Variants in IWS1 observed in about 807,000 individuals in gnomAD.
IWS1 encodes the protein protein IWS1 homolog.
In IWS1, 27 loss-of-function variants were observed where a neutral mutation model predicts 86.7. The ratio of observed to expected loss-of-function variants is 0.31; its 90% CI spans 0.23 to 0.43. The LOEUF is 0.43. Among genes scored for constraint, IWS1 ranks in the 20% least tolerant of loss-of-function variants. The pLI is 1.00. For synonymous variants in IWS1, 313 were observed against 335.1 expected, an observed-to-expected ratio of 0.93 and a Z score of 0.72; for missense variants, 827 against 1,000.8, an observed-to-expected ratio of 0.83 and a Z score of 2.34.
chr2:127,488,308 C>A lies in IWS1; in HGVS notation c.2216+871G>T, dbSNP rs1690043373. On this transcript the variant is annotated intron_variant, in intron 12 of 13. Transcript: ENST00000295321. ...CAAACATCTCTTTACAAGTTCTAGA[C>A]CCATAATATTTATAGGGCTATCTCA... Among the ~76,000 whole-genome samples the A allele has an allele frequency of 2.0e-5, 3 of 152,210 alleles. No homozygotes were observed. In the South Asian group the frequency reaches 6.2e-4, roughly 32 times the overall value.
chr2:127,493,414 C>T lies in IWS1; in HGVS notation c.1800-4G>A. On this transcript the variant is annotated splice_polypyrimidine_tract_variant and splice_region_variant and intron_variant, in intron 8 of 13. Transcript: ENST00000295321. ...GAATGTTTCTTTAAGGTCCTGCCTG[C>T]AGTAACAATAATTTTTAAAAATTCT... The T allele has an allele frequency of 6.9e-6, 11 of 1,590,984 alleles. No homozygotes were observed. Among genetic ancestry groups the T allele is most frequent in the Non-Finnish European group, 9.4e-6 (11 of 1,173,230 alleles).
upstream of IWS1, chr2:127,526,652 C>G (rs1558778102): frequency 7.6e-7 from 1 of 1,324,240 alleles, no homozygotes; most frequent in Non-Finnish European, 1.0e-6. Flanking sequence ...CGGGTGGATC[C>G]TGGTCTGACC....
intron 2 of IWS1, among the ~76,000 whole-genome samples, chr2:127,509,417 T>A (rs990827086): frequency 3.9e-5 from 6 of 152,220 alleles, no homozygotes; most frequent in African/African-American, 1.2e-4. Flanking sequence ...TTTAGAAACA[T>A]CTATAATGCC....
rs1012843015 is a variant in IWS1 at position 127,499,120 on chromosome 2, TCA to T, written c.1468-885_1468-884del. 9.4e-5 allele frequency among the ~76,000 whole-genome samples: 14 copies of T among 148,956 alleles called. No individual in the cohort carries two copies. The highest frequency in any genetic ancestry group is 3.5e-3 in the Middle Eastern group (1 of 284). The stretch of plus-strand genomic sequence containing the variant: ...CTTTTTTTTTTTTTGAGACGGAGTC[TCA>T]CTGTGTCGCCCAGGCCAGAGTGCAG... On this transcript the variant is annotated intron_variant, in intron 5 of 13. Transcript: ENST00000295321. The surrounding 1 kb of genome is among the most constrained non-coding windows in gnomAD (Gnocchi z 4.0).
rs151146769 is a variant in IWS1 at position 127,481,095 on chromosome 2, T to C, written c.2409A>G (p.Arg803=). Reference sequence around the variant, plus strand: ...TGCTGATTTTCACTGCGTGTGCAGATCTGCTTTTTTTCCTTATATCTGTGA... The same window carrying C: ...TGCTGATTTTCACTGCGTGTGCAGACCTGCTTTTTTTCCTTATATCTGTGA... ...RKFTDIRKKS[R]SAHAVKISIE... is the part of the protein sequence containing the mutation. The change falls in exon 14 of 14, where the codon AGA becomes AGG. Residue 803 remains arginine, a synonymous_variant. Coordinates refer to ENST00000295321, the MANE Select transcript of IWS1 (RefSeq NM_017969.3). The C allele has an allele frequency of 1.5e-5, 24 of 1,612,942 alleles. No homozygotes were observed. The African/African-American group carries it at 2.3e-4, about 15-fold the overall frequency.
At chr2:127,493,966 T>G (rs1052746310) in intron 8 of IWS1, among the ~76,000 whole-genome samples, 3 of 152,044 alleles carry the variant, frequency 2.0e-5, no homozygotes, top group African/African-American at 7.2e-5. Context: ...CCTGTTAGAA[T>G]AGAGGGAGAA....
chr2:127,508,421 G>A (rs935895628), intron 2 of IWS1, among the ~76,000 whole-genome samples: 1 of 152,204 alleles, frequency 6.6e-6, no homozygotes, highest in South Asian at 2.1e-4. Flanking sequence ...AGACGGGAGG[G>A]TGGGGAGAGG....
At position 127,483,236 on chromosome 2, in the gene IWS1, G is replaced by A. The variant is rs559582779; in HGVS notation, c.2329-2061C>T. Among the ~76,000 whole-genome samples the A allele has an allele frequency of 3.3e-5, 5 of 152,168 alleles. No homozygotes were observed. In the South Asian group the frequency reaches 6.2e-4, roughly 19 times the overall value. On this transcript the variant is annotated intron_variant, in intron 13 of 13. Transcript: ENST00000295321. ...TACTGTTATTTTAGAAGTATTCCAC[G>A]GAGTAAATGAACATATAAAAAATAC...
Position 127,504,906 on chromosome 2 carries a change from T to G in IWS1, c.997A>C (p.Ser333Arg). 1 of 1,614,188 alleles carries G rather than the reference T, an allele frequency of 6.2e-7. No homozygotes were observed. Among genetic ancestry groups the G allele is most frequent in the Non-Finnish European group, 8.5e-7 (1 of 1,180,028 alleles). Residue 333 changes from serine to arginine, a missense_variant, in exon 3 of 14, where the codon AGC becomes CGC. Physicochemically the swap from Ser to Arg is moderately radical, Grantham distance 110. This residue lies in a region of IWS1 where 548 missense variants were observed against 560.2 expected (regional missense o/e 0.98). Transcript: ENST00000295321. ...HKQKPESDDD[S>R]DRENKGEDTE... ...TCCTCTCCCTTATTCTCCCTGTCGC[T>G]GTCATCATCTGACTCTGGCTTCTGT...
intron 2 of IWS1, among the ~76,000 whole-genome samples, chr2:127,517,260 C>T (rs1225036181): frequency 6.6e-6 from 1 of 152,176 alleles, no homozygotes; most frequent in Non-Finnish European, 1.5e-5. Context: ...TTCTAAAATA[C>T]ACAGGTAACT....
At chr2:127,487,159 T>C (rs1243249491) in intron 12 of IWS1, among the ~76,000 whole-genome samples, 3 of 152,214 alleles carry the variant, frequency 2.0e-5, no homozygotes, top group Non-Finnish European at 4.4e-5. Context: ...TAAAAATCTT[T>C]TGAAGATAAT....
chr2:127,483,365 G>A (rs758875149), intron 13 of IWS1, among the ~76,000 whole-genome samples: 7 of 152,086 alleles, frequency 4.6e-5, no homozygotes, highest in South Asian at 4.2e-4. Flanking sequence ...GCTCCCGCCC[G>A]TAATCCCAGC....
chr2:127,512,889 A>T (rs1158860537), intron 2 of IWS1, among the ~76,000 whole-genome samples: 1 of 152,266 alleles, frequency 6.6e-6, no homozygotes, highest in African/African-American at 2.4e-5. Context: ...ATTATCACAC[A>T]TTATATAAAC....
intron 2 of IWS1, among the ~76,000 whole-genome samples, chr2:127,509,707 CAAAAAAAA>C (rs34526019): frequency 5.4e-5 from 3 of 55,474 alleles, no homozygotes; most frequent in South Asian, 1.2e-3. Context: ...CACTCCATCT[CAAAAAAAA>C]AAAAAAAAAA....
Position 127,526,048 on chromosome 2 carries a change from C to A in IWS1, c.34+127G>T. 3.4e-6 allele frequency: 3 copies of A among 873,328 alleles called. No individual in the cohort carries two copies. In the Admixed American group the frequency reaches 7.8e-5, roughly 23 times the overall value. The allele number at this position is 873,328 out of a possible 1,614,324, so 54.1% of individuals were successfully genotyped here. ...CAGCTGGTCAGAGGGCTCTTGCCCT[C>A]CTCGGGCCGGGTCGCGGGAGGGAAG... On this transcript the variant is annotated intron_variant, in intron 1 of 13. Transcript: ENST00000295321.
chr2:127,488,999 C>T (rs1043052698), intron 12 of IWS1, among the ~76,000 whole-genome samples, 180 bp downstream of exon 12: 4 of 152,296 alleles, frequency 2.6e-5, no homozygotes, highest in African/African-American at 9.6e-5. Flanking sequence ...GAATTATTTT[C>T]TCAATTTTCC....
intron 13 of IWS1, among the ~76,000 whole-genome samples, chr2:127,481,759 G>C (rs1016087432): frequency 3.3e-5 from 5 of 152,156 alleles, no homozygotes; most frequent in African/African-American, 2.4e-5. Context: ...CCCAGGGTAG[G>C]TACTCCTTCC....
Position 127,526,277 on chromosome 2 carries a change from T to A in IWS1, c.-69A>T. The A allele has an allele frequency of 6.5e-7, 1 of 1,546,124 alleles. No individual in the cohort carries two copies. Among genetic ancestry groups the A allele is most frequent in the East Asian group, 2.4e-5 (1 of 40,960 alleles). On this transcript the variant is annotated 5_prime_UTR_variant, in exon 1 of 14. Transcript: ENST00000295321. ...CCCCGTCACCTCCTTCCAGGCGGTG[T>A]GACCCCGGATGGCGCGGCTAAGTGT...
chr2:127,481,093 G>T lies in IWS1; in HGVS notation c.2411C>A (p.Ser804Tyr). The change falls in exon 14 of 14, where the codon TCT (serine) becomes TAT (tyrosine). Residue 804 changes from serine (S) to tyrosine (Y), a missense_variant. By Grantham distance (144) the Ser-to-Tyr change is moderately radical. Around this residue, in one of 2 missense-constraint regions of IWS1, gnomAD observed 279 missense variants for 440.6 expected, o/e 0.63. Coordinates refer to ENST00000295321, the MANE Select transcript of IWS1 (RefSeq NM_017969.3). ...KFTDIRKKSR[S>Y]AHAVKISIEG... ...AATGCTGATTTTCACTGCGTGTGCAGATCTGCTTTTTTTCCTTATATCTGT... is the reference window on the plus strand; with the variant it reads ...AATGCTGATTTTCACTGCGTGTGCATATCTGCTTTTTTTCCTTATATCTGT... The T allele has an allele frequency of 6.2e-7, 1 of 1,612,512 alleles. No homozygotes were observed. Among genetic ancestry groups the T allele is most frequent in the Non-Finnish European group, 8.5e-7 (1 of 1,179,570 alleles).
Sources: allele counts gnomAD v4.1 joint callset (sites outside exome capture counted in the v4.1 genomes callset), GRCh38; gene constraint gnomAD v4.1.1; regional missense constraint gnomAD v4.1.1; non-coding constraint Gnocchi (gnomAD v3.1); transcripts MANE v1.5; gene names NCBI Gene and HGNC (gene_info 2026-07-23, HGNC 2026-07-21).